Variants in MEGF11 observed in about 807,000 individuals in gnomAD.
MEGF11 encodes multiple epidermal growth factor-like domains protein 11.
A neutral mutation model predicts 146.6 loss-of-function variants in MEGF11; 126 were observed. That is an observed-to-expected ratio of 0.86 (90% confidence interval 0.74 to 1.00). MEGF11 has a LOEUF of 1.00. Ranked by LOEUF, MEGF11 falls within the 50% of genes least tolerant of loss-of-function variation. The pLI is 0.00. For missense variants in MEGF11, 1,509 were observed against 1,521.2 expected (o/e 0.99, Z 0.13); for synonymous variants, 532 against 583.4 (o/e 0.91, Z 1.27).
chr15:66,242,268 G>A (rs1333807011), intron 1 of MEGF11, among the ~76,000 whole-genome samples: 2 of 151,816 alleles, frequency 1.3e-5, no homozygotes, highest in Non-Finnish European at 2.9e-5. Flanking sequence ...AATTATCCTG[G>A]CATGCCAGTG....
At chr15:65,898,680 C>T (rs1444842004) in intron 25 of MEGF11, 48 bp downstream of exon 25, 1 of 1,605,972 alleles carries the variant, frequency 6.2e-7, no homozygotes, top group Admixed American at 1.7e-5. Context: ...ACTTCAAATG[C>T]TGCACTATTG....
chr15:66,020,100 G>A (rs1394521632), intron 5 of MEGF11, among the ~76,000 whole-genome samples: 1 of 152,228 alleles, frequency 6.6e-6, no homozygotes, highest in African/African-American at 2.4e-5. Flanking sequence ...GGTCCTGTAG[G>A]AGGTTGATTC....
chr15:65,982,608 C>T lies in MEGF11; in HGVS notation c.395-120G>A, dbSNP rs2081695012. The T allele has an allele frequency of 1.6e-6, 2 of 1,232,356 alleles. No homozygotes were observed. Among genetic ancestry groups the T allele is most frequent in the Admixed American group, 3.3e-5 (1 of 30,636 alleles). 76.3% of individuals were successfully genotyped at this position (1,232,356 alleles called of 1,614,324 possible). ...GCAGCGCTGCTCCCCGGACAGGTGGCAGCAAGGGGTGCCTGGAAGCTTTGG... is the reference window on the plus strand; with the variant it reads ...GCAGCGCTGCTCCCCGGACAGGTGGTAGCAAGGGGTGCCTGGAAGCTTTGG... On this transcript the variant is annotated intron_variant, in intron 5 of 25. Coordinates refer to ENST00000395614, the MANE Select transcript of MEGF11 (RefSeq NM_001385028.1). The surrounding 1 kb of genome is among the most constrained non-coding windows in gnomAD (Gnocchi z 5.6).
intron 13 of MEGF11, among the ~76,000 whole-genome samples, chr15:65,925,288 G>A (rs563185276): frequency 5.3e-5 from 8 of 152,348 alleles, no homozygotes; most frequent in African/African-American, 1.9e-4. Flanking sequence ...TATGGAGATT[G>A]AGAACCATGA....
chr15:66,168,894 A>G (rs966329627), intron 1 of MEGF11, among the ~76,000 whole-genome samples: 7 of 152,230 alleles, frequency 4.6e-5, no homozygotes, highest in African/African-American at 1.7e-4. Context: ...AGGCTGAGGC[A>G]GGAGAATTGC....
chr15:66,128,575 C>A (rs74902237), intron 1 of MEGF11, 164 bp from the exon 2 acceptor site: 6,158 of 425,632 alleles, frequency 0.014, 66 homozygotes, highest in Non-Finnish European at 0.016. Context: ...GAGTGGGAAG[C>A]CTGAGTCAGG....
chr15:65,913,652 A>G, intron 20 of MEGF11, 85 bp downstream of exon 20: 1 of 1,245,234 alleles, frequency 8.0e-7, no homozygotes, highest in Non-Finnish European at 1.1e-6. Flanking sequence ...ATTCAGCCAC[A>G]GCAGCCAACC....
chr15:65,986,468 G>A (rs1043452536), intron 5 of MEGF11, among the ~76,000 whole-genome samples: 1 of 152,074 alleles, frequency 6.6e-6, no homozygotes, highest in Non-Finnish European at 1.5e-5. Context: ...TCATTCCAGA[G>A]AAATTTCCCA....
intron 10 of MEGF11, among the ~76,000 whole-genome samples, chr15:65,935,742 C>T (rs1258262849): frequency 2.0e-5 from 3 of 152,244 alleles, no homozygotes; most frequent in Non-Finnish European, 1.5e-5. Flanking sequence ...GCACTCTGCT[C>T]TTCCACCTCA....
intron 4 of MEGF11, among the ~76,000 whole-genome samples, chr15:66,106,694 C>T (rs2087097267): frequency 6.6e-6 from 1 of 152,158 alleles, no homozygotes; most frequent in South Asian, 2.1e-4. Flanking sequence ...ACATCCCTCA[C>T]GTGGATTGGG....
At chr15:65,965,592 C>CTTTTTTTTT (rs1567179999) in intron 8 of MEGF11, among the ~76,000 whole-genome samples, 6 of 16,484 alleles carry the variant, frequency 3.6e-4, no homozygotes, top group African/African-American at 7.7e-4. Flanking sequence ...TTCTTTCTTT[C>CTTTTTTTTT]TTTCTTTCTT....
At chr15:66,182,651 A>G (rs979334324) in intron 1 of MEGF11, among the ~76,000 whole-genome samples, 26 of 152,350 alleles carry the variant, frequency 1.7e-4, no homozygotes, top group African/African-American at 6.0e-4. Flanking sequence ...CTGACTATCA[A>G]AGGATTTCAG....
chr15:65,992,450 T>TGTGG lies in MEGF11; in HGVS notation c.395-9963_395-9962insCCAC, dbSNP rs776847440. ...CCGTTTGTGCCTCTGTGTGTGTGTGTGGGGGGGGGGGTTAGTCACATCCTG... is the reference window on the plus strand; with the variant it reads ...CCGTTTGTGCCTCTGTGTGTGTGTGTGTGGGGGGGGGGGGGTTAGTCACATCCTG... On this transcript the variant is annotated intron_variant, in intron 5 of 25. Transcript: ENST00000395614. Among the ~76,000 whole-genome samples the TGTGG allele has an allele frequency of 3.9e-3, 491 of 126,594 alleles. 6 individuals carry two copies. The highest frequency in any genetic ancestry group is 0.014 in the African/African-American group (442 of 32,722). The allele number at this position is 126,594 out of a possible 152,430, so 83.1% of individuals were successfully genotyped here.
At chr15:65,987,057 C>T (rs969051786) in intron 5 of MEGF11, among the ~76,000 whole-genome samples, 2 of 152,104 alleles carry the variant, frequency 1.3e-5, no homozygotes, top group Non-Finnish European at 2.9e-5. Flanking sequence ...ACCCCCTTCC[C>T]CTGCTGACTG....
chr15:66,076,245 G>C (rs371791853), intron 5 of MEGF11, among the ~76,000 whole-genome samples: 1 of 113,358 alleles, frequency 8.8e-6, no homozygotes, highest in African/African-American at 3.2e-5. Context: ...TGGATGGATG[G>C]ATGGATGCAT....
chr15:66,027,674 CA>C (rs2083382981), intron 5 of MEGF11, among the ~76,000 whole-genome samples: 1 of 152,134 alleles, frequency 6.6e-6, no homozygotes, highest in Non-Finnish European at 1.5e-5. Context: ...TCAGATTGCA[CA>C]AATCTTGGGT....
intron 1 of MEGF11, among the ~76,000 whole-genome samples, chr15:66,235,898 A>T (rs1248576830): frequency 6.6e-6 from 1 of 152,172 alleles, no homozygotes; most frequent in African/African-American, 2.4e-5. Flanking sequence ...CTTTAACCCT[A>T]CTACATGCCA....
intron 1 of MEGF11, among the ~76,000 whole-genome samples, chr15:66,246,321 G>A (rs1011072189): frequency 6.6e-6 from 1 of 152,110 alleles, no homozygotes; most frequent in Non-Finnish European, 1.5e-5. Flanking sequence ...TGCAAGCAGA[G>A]TGTATGGAAT....
chr15:65,974,436 T>C (rs938649667), intron 7 of MEGF11, among the ~76,000 whole-genome samples: 6 of 152,078 alleles, frequency 3.9e-5, no homozygotes, highest in Non-Finnish European at 8.8e-5. Context: ...GGCAGGTGAA[T>C]CATTTGAGGT....
Sources: allele counts gnomAD v4.1 joint callset (sites outside exome capture counted in the v4.1 genomes callset), GRCh38; gene constraint gnomAD v4.1.1; non-coding constraint Gnocchi (gnomAD v3.1); transcripts MANE v1.5; gene names NCBI Gene and HGNC (gene_info 2026-07-23, HGNC 2026-07-21).